TENM2: variants seen among roughly 807,000 people sequenced by gnomAD.
TENM2 encodes teneurin-2.
Under a neutral mutation model 245.2 loss-of-function variants are expected in TENM2, and 52 were observed. The observed-to-expected ratio is 0.21, with a 90% CI of 0.17 to 0.27. TENM2 has a LOEUF of 0.27. Among genes scored for constraint, TENM2 ranks in the 10% least tolerant of loss-of-function variants. TENM2 has a pLI of 1.00. For missense variants in TENM2, 3,046 were observed against 3,666.8 expected (o/e 0.83, Z 4.37); for synonymous variants, 1,363 against 1,438.9 (o/e 0.95, Z 1.19).
chr5:167,102,448 T>C, the TENM2 span, among the ~76,000 whole-genome samples: 1 of 152,166 alleles, frequency 6.6e-6, no homozygotes, highest in South Asian at 2.1e-4. Context: ...AAGAGTACTC[T>C]TCCCATTTGG....
At chr5:167,049,691 A>T in the TENM2 span, among the ~76,000 whole-genome samples, 1 of 152,192 alleles carries the variant, frequency 6.6e-6, no homozygotes, top group East Asian at 1.9e-4. Context: ...GGACACTATG[A>T]TAATTACCCC....
At chr5:167,428,582 C>T (rs1161608720) in intron 2 of TENM2, among the ~76,000 whole-genome samples, 2 of 152,140 alleles carry the variant, frequency 1.3e-5, no homozygotes, top group East Asian at 1.9e-4. Flanking sequence ...TGAAATTTCA[C>T]ATGTGCCTTT....
intron 1 of TENM2, among the ~76,000 whole-genome samples, chr5:167,319,299 G>C (rs968175662): frequency 6.6e-6 from 1 of 151,992 alleles, no homozygotes; most frequent in African/African-American, 2.4e-5. Flanking sequence ...TCAGTTTCAG[G>C]GTTTTCGTTT....
intron 9 of TENM2, among the ~76,000 whole-genome samples, chr5:168,113,147 T>A (rs1466527574): frequency 2.6e-5 from 4 of 151,884 alleles, no homozygotes; most frequent in Non-Finnish European, 5.9e-5. Flanking sequence ...AGAGACCCCG[T>A]CTCTACCGAA....
At chr5:167,503,562 A>G (rs77656571) in intron 2 of TENM2, among the ~76,000 whole-genome samples, 5,288 of 151,524 alleles carry the variant, frequency 0.035, 204 homozygotes, top group Admixed American at 0.11. Flanking sequence ...TAAAAACTCT[A>G]TAATGAATTA....
At chr5:167,911,180 A>G (rs1436055872) in intron 3 of TENM2, among the ~76,000 whole-genome samples, 1 of 152,200 alleles carries the variant, frequency 6.6e-6, no homozygotes, top group African/African-American at 2.4e-5. Flanking sequence ...TTACTGTAGA[A>G]TGGAGTTGTT....
At chr5:167,571,590 A>C (rs1162375739) in intron 2 of TENM2, among the ~76,000 whole-genome samples, 1 of 152,110 alleles carries the variant, frequency 6.6e-6, no homozygotes, top group East Asian at 1.9e-4. Context: ...CCTCCTCACT[A>C]AGGAAGCGGT....
chr5:167,779,546 A>G (rs1448554144), intron 2 of TENM2, among the ~76,000 whole-genome samples: 1 of 152,146 alleles, frequency 6.6e-6, no homozygotes, highest in African/African-American at 2.4e-5. Flanking sequence ...AAATGAGAAC[A>G]TGTTACTTCA....
intron 2 of TENM2, among the ~76,000 whole-genome samples, chr5:167,597,160 CTTTTCTTT>C (rs1776276887): frequency 9.8e-6 from 1 of 102,236 alleles, no homozygotes; most frequent in Admixed American, 1.0e-4. Context: ...CTTTTCTTTT[CTTTTCTTT>C]TTTTTTTTTT....
At chr5:168,032,139 ATACT>A (rs1052217538) in intron 5 of TENM2, among the ~76,000 whole-genome samples, 1 of 152,216 alleles carries the variant, frequency 6.6e-6, no homozygotes, top group African/African-American at 2.4e-5. Flanking sequence ...CTTGGACAAC[ATACT>A]TAATCTCTCT....
At chr5:167,400,782 G>A (rs569787444) in intron 2 of TENM2, among the ~76,000 whole-genome samples, 56 of 152,232 alleles carry the variant, frequency 3.7e-4, no homozygotes, top group Admixed American at 3.6e-3. Context: ...CTTCTTGGCA[G>A]AAGGGACTAT....
chr5:167,556,364 A>ATTG (rs1773258926), intron 2 of TENM2, among the ~76,000 whole-genome samples: 1 of 151,414 alleles, frequency 6.6e-6, no homozygotes, highest in African/African-American at 2.4e-5. Context: ...ATCTTTCTGA[A>ATTG]TTGTTATTCT....
chr5:167,126,937 C>CT, the TENM2 span, among the ~76,000 whole-genome samples: 1 of 151,632 alleles, frequency 6.6e-6, no homozygotes, highest in African/African-American at 2.4e-5. Flanking sequence ...AGTTATTTGA[C>CT]GATCTCTAAA....
intron 12 of TENM2, among the ~76,000 whole-genome samples, chr5:168,137,182 G>T (rs1487299356): frequency 6.6e-6 from 1 of 152,214 alleles, no homozygotes; most frequent in African/African-American, 2.4e-5. Flanking sequence ...GGAATTAAAA[G>T]AGCTGAGAAT....
At chr5:167,023,577 C>T in the TENM2 span, among the ~76,000 whole-genome samples, 2 of 152,122 alleles carry the variant, frequency 1.3e-5, no homozygotes, top group African/African-American at 2.4e-5. Context: ...TTCTTTTGTT[C>T]CTGTATCTCT....
At chr5:167,051,911 A>G in the TENM2 span, among the ~76,000 whole-genome samples, 3 of 152,270 alleles carry the variant, frequency 2.0e-5, no homozygotes, top group African/African-American at 4.8e-5. Flanking sequence ...TATTTTTCCA[A>G]ACTCATTAAA....
the TENM2 span, among the ~76,000 whole-genome samples, chr5:166,985,632 AATTT>A: frequency 6.6e-6 from 1 of 152,116 alleles, no homozygotes; most frequent in Non-Finnish European, 1.5e-5. Flanking sequence ...AAAAAAATCA[AATTT>A]ATTTATTATA....
chr5:168,123,135 GA>G (rs35506770), intron 10 of TENM2, among the ~76,000 whole-genome samples: 30,917 of 102,942 alleles, frequency 0.3, 3,321 homozygotes, highest in Non-Finnish European at 0.35. Context: ...CATTTCTAGA[GA>G]AAAAAAAAAA....
the TENM2 span, among the ~76,000 whole-genome samples, chr5:167,071,079 G>A: frequency 7.2e-5 from 11 of 152,034 alleles, no homozygotes; most frequent in Non-Finnish European, 1.0e-4. Context: ...ACAGTTAGTC[G>A]GCGGGAAGGC....
Sources: gnomAD v4.1 joint callset for allele counts (sites outside exome capture counted in the v4.1 genomes callset) on GRCh38, gnomAD v4.1.1 for gene constraint, MANE v1.5 for transcripts, NCBI Gene and HGNC (gene_info 2026-07-23, HGNC 2026-07-21) for gene names.